DPP10: variants seen among roughly 807,000 people sequenced by gnomAD.
The protein encoded by DPP10 is inactive dipeptidyl peptidase 10.
Under a neutral mutation model 120.9 loss-of-function variants are expected in DPP10, and 33 were observed. The observed-to-expected ratio is 0.27, with a 90% CI of 0.21 to 0.37. The LOEUF (loss-of-function observed/expected upper bound fraction) is 0.37, where lower values mean the gene tolerates loss of function less well. Among genes scored for constraint, DPP10 ranks in the 10% least tolerant of loss-of-function variants. The pLI, the probability that DPP10 is intolerant of heterozygous loss-of-function variation, is 1.00. For missense variants in DPP10, 816 were observed against 942.8 expected (o/e 0.87, Z 1.76); for synonymous variants, 337 against 326.1 (o/e 1.03, Z -0.36).
chr2:114,651,325 G>A (rs568547026), intron 1 of DPP10, among the ~76,000 whole-genome samples: 3 of 152,254 alleles, frequency 2.0e-5, no homozygotes, highest in South Asian at 2.1e-4. Flanking sequence ...CAGGGTAAGC[G>A]CCAGACTTCC....
intron 5 of DPP10, among the ~76,000 whole-genome samples, chr2:115,574,714 G>A (rs745524996): frequency 4.6e-5 from 7 of 152,130 alleles, no homozygotes; most frequent in Non-Finnish European, 7.4e-5. Flanking sequence ...TTCAAAACCT[G>A]GAACAATGCC....
At chr2:114,874,858 GC>G (rs1691020211) in intron 1 of DPP10, among the ~76,000 whole-genome samples, 1 of 152,016 alleles carries the variant, frequency 6.6e-6, no homozygotes, top group Non-Finnish European at 1.5e-5. Context: ...AGAGGAGCAG[GC>G]TTTTGAACTT....
chr2:115,131,598 G>A (rs1315807353), intron 1 of DPP10, among the ~76,000 whole-genome samples: 1 of 152,110 alleles, frequency 6.6e-6, no homozygotes, highest in Non-Finnish European at 1.5e-5. Context: ...AAAAATAAAA[G>A]TTCAAATTGA....
chr2:115,780,742 T>C (rs1233650601), intron 15 of DPP10, 132 bp from the exon 16 acceptor site: 4 of 693,864 alleles, frequency 5.8e-6, no homozygotes, highest in Middle Eastern at 4.1e-4. Flanking sequence ...TGGTGATTCA[T>C]AGTTTACAGT....
chr2:114,871,171 C>T (rs1690658161), intron 1 of DPP10, among the ~76,000 whole-genome samples: 1 of 92,800 alleles, frequency 1.1e-5, no homozygotes, highest in African/African-American at 3.3e-5. Flanking sequence ...GACCTTGCCC[C>T]ACCCAGCTCT....
chr2:115,053,512 T>A (rs1705669404), intron 1 of DPP10, among the ~76,000 whole-genome samples: 1 of 152,070 alleles, frequency 6.6e-6, no homozygotes, highest in Non-Finnish European at 1.5e-5. Flanking sequence ...CTTCCAAGAG[T>A]GATGAAAATG....
chr2:115,511,309 T>C (rs964952881), intron 4 of DPP10, among the ~76,000 whole-genome samples: 4 of 152,134 alleles, frequency 2.6e-5, no homozygotes, highest in African/African-American at 9.6e-5. Context: ...CTGAAATTTA[T>C]GTCTTTCTAA....
At chr2:115,003,806 A>T (rs1370193544) in intron 1 of DPP10, among the ~76,000 whole-genome samples, 1 of 152,126 alleles carries the variant, frequency 6.6e-6, no homozygotes, top group Non-Finnish European at 1.5e-5. Flanking sequence ...ATCTATTGAC[A>T]TTTCCAAACC....
chr2:115,829,396 C>G (rs1490638821), intron 21 of DPP10, among the ~76,000 whole-genome samples: 4 of 152,078 alleles, frequency 2.6e-5, no homozygotes, highest in African/African-American at 9.7e-5. Flanking sequence ...GCTAATCTTA[C>G]AGTCTTTTAA....
chr2:115,490,096 C>A (rs1597189), intron 3 of DPP10, among the ~76,000 whole-genome samples: 83,909 of 151,996 alleles, frequency 0.55, 24,628 homozygotes, highest in Non-Finnish European at 0.67. Context: ...CATCTTTAGG[C>A]TGAACCCAGG....
intron 1 of DPP10, among the ~76,000 whole-genome samples, chr2:115,011,277 A>T (rs1230388843): frequency 6.6e-6 from 1 of 152,160 alleles, no homozygotes; most frequent in African/African-American, 2.4e-5. Context: ...GTGTTCCAGA[A>T]ATGTCAATTA....
rs768853192 is a variant in DPP10, at chr2:115,791,102, A to G, written c.1553A>G (p.Asn518Ser). Residue 518 changes from asparagine (N) to serine (S), a missense_variant, in exon 18 of 26, where the codon AAT (asparagine) becomes AGT (serine). Physicochemically the swap from Asn to Ser is conservative, Grantham distance 46. Transcript: ENST00000410059. ...ACAGAATATTTTATATTGGAAAGCA[A>G]TTCTATGCTGAAGGAAGCTATCCTG... ...NPAKYFILES[N>S]SMLKEAILKK... 1.9e-6 allele frequency: 3 copies of G among 1,613,240 alleles called. No individual in the cohort carries two copies. Among genetic ancestry groups the G allele is most frequent in the Non-Finnish European group, 2.5e-6 (3 of 1,179,648 alleles).
chr2:115,383,240 G>A (rs912756882), intron 3 of DPP10, among the ~76,000 whole-genome samples: 11 of 152,266 alleles, frequency 7.2e-5, no homozygotes, highest in African/African-American at 2.4e-4. Flanking sequence ...ATTAAGTTGT[G>A]GGGGCAGGTC....
At chr2:115,417,134 AT>A (rs2069507016) in intron 3 of DPP10, among the ~76,000 whole-genome samples, 1 of 152,144 alleles carries the variant, frequency 6.6e-6, no homozygotes, top group Non-Finnish European at 1.5e-5. Context: ...TCAGGTATAT[AT>A]TTTTGAAGTT....
intron 1 of DPP10, among the ~76,000 whole-genome samples, chr2:115,021,009 CA>C (rs1270227009): frequency 6.6e-6 from 1 of 152,148 alleles, no homozygotes; most frequent in African/African-American, 2.4e-5. Context: ...CTCTAGAATA[CA>C]GCAAAGGTGA....
chr2:115,820,242 A>G (rs978080520), intron 21 of DPP10, among the ~76,000 whole-genome samples: 4 of 152,274 alleles, frequency 2.6e-5, no homozygotes, highest in Admixed American at 1.3e-4. Context: ...TGATCAGGAT[A>G]ACAAAAATAC....
intron 1 of DPP10, among the ~76,000 whole-genome samples, chr2:114,966,440 C>T (rs940004967): frequency 1.3e-5 from 2 of 152,136 alleles, no homozygotes; most frequent in African/African-American, 2.4e-5. Context: ...CAGTTTCTCC[C>T]TCTTGTTTCC....
chr2:115,085,864 G>A (rs1320796188), intron 1 of DPP10, among the ~76,000 whole-genome samples: 2 of 152,114 alleles, frequency 1.3e-5, no homozygotes, highest in Non-Finnish European at 2.9e-5. Flanking sequence ...CCTATATGAG[G>A]ACTAAAGCTC....
intron 1 of DPP10, among the ~76,000 whole-genome samples, chr2:114,955,188 A>G (rs992479209): frequency 6.6e-6 from 1 of 152,202 alleles, no homozygotes; most frequent in Non-Finnish European, 1.5e-5. Flanking sequence ...AGGGTGGATT[A>G]TTATGCCTCC....
Sources: allele counts gnomAD v4.1 joint callset (sites outside exome capture counted in the v4.1 genomes callset), GRCh38; gene constraint gnomAD v4.1.1; transcripts MANE v1.5; gene names NCBI Gene and HGNC (gene_info 2026-07-23, HGNC 2026-07-21).